PARP8: variants seen among roughly 807,000 people sequenced by gnomAD.
PARP8 encodes the protein protein mono-ADP-ribosyltransferase PARP8.
A neutral mutation model predicts 124.1 loss-of-function variants in PARP8; 51 were observed. That is an observed-to-expected ratio of 0.41 (90% CI 0.33 to 0.52). The LOEUF is 0.52. Among genes scored for constraint, PARP8 ranks in the 20% least tolerant of loss-of-function variants. The pLI, the probability that PARP8 is intolerant of heterozygous loss-of-function variation, is 0.21. For synonymous variants in PARP8, 391 were observed against 361.5 expected, an observed-to-expected ratio of 1.08 and a Z score of -0.93; for missense variants, 860 against 1,018.9, an observed-to-expected ratio of 0.84 and a Z score of 2.12.
At chr5:50,689,034 T>A (rs1752197913) in intron 2 of PARP8, among the ~76,000 whole-genome samples, 2 of 13,972 alleles carry the variant, frequency 1.4e-4, no homozygotes, top group Non-Finnish European at 8.8e-4. Flanking sequence ...TTTTTTTGAT[T>A]TTTTTTTTTT....
intron 16 of PARP8, among the ~76,000 whole-genome samples, chr5:50,821,539 A>G (rs1745769077): frequency 6.6e-6 from 1 of 152,180 alleles, no homozygotes; most frequent in African/African-American, 2.4e-5. Flanking sequence ...TCATGGGTAA[A>G]GGGACAAGTT....
In PARP8 at chr5:50,834,937, C is replaced by A; in HGVS notation, c.2384C>A (p.Thr795Asn). The A allele has an allele frequency of 6.2e-7, 1 of 1,612,736 alleles. No homozygotes were observed. The highest frequency in any genetic ancestry group is 1.3e-5 in the African/African-American group (1 of 74,998). ...LKCIALCEVI[T>N]SSDLHKHGEI... is the part of the protein sequence containing the mutation. Reference sequence around the variant, plus strand: ...TTTATTTTCCACTTAACAGTGATCACCTCATCTGACCTGCACAAACATGGA... The same window carrying A: ...TTTATTTTCCACTTAACAGTGATCAACTCATCTGACCTGCACAAACATGGA... Residue 795 changes from threonine to asparagine, a missense_variant, in exon 25 of 26, where the codon ACC (threonine) becomes AAC (asparagine). This residue lies in a region of PARP8 where 343 missense variants were observed against 474.7 expected (regional missense o/e 0.72). Coordinates refer to ENST00000281631, the MANE Select transcript of PARP8 (RefSeq NM_024615.4).
chr5:50,700,603 G>A (rs1204939385), intron 2 of PARP8, among the ~76,000 whole-genome samples: 1 of 152,146 alleles, frequency 6.6e-6, no homozygotes. Context: ...TAAACATACT[G>A]TGATCTAAAT....
At chr5:50,666,240 T>C (rs1365411306), upstream of PARP8, 1 of 152,218 alleles carries the variant, frequency 6.6e-6, no homozygotes, top group Non-Finnish European at 1.5e-5. Flanking sequence ...GATGTGGCAA[T>C]AAGGAAAGAT....
chr5:50,749,197 T>A, intron 2 of PARP8, among the ~76,000 whole-genome samples: 1 of 152,348 alleles, frequency 6.6e-6, no homozygotes, highest in Non-Finnish European at 1.5e-5. Flanking sequence ...CTGTGAATGA[T>A]GCTTTGAGTA....
At chr5:50,828,159 T>C in intron 20 of PARP8, 103 bp downstream of exon 20, 1 of 1,142,912 alleles carries the variant, frequency 8.7e-7, no homozygotes. Flanking sequence ...ATTCAGTAGA[T>C]GGTCATTCAA....
chr5:50,681,338 G>A (rs889742028), intron 2 of PARP8, among the ~76,000 whole-genome samples: 6 of 151,942 alleles, frequency 3.9e-5, no homozygotes, highest in African/African-American at 1.2e-4. Flanking sequence ...CTAAAATTAG[G>A]TGAATTCAGC....
chr5:50,724,868 T>TGAGTCTCAA (rs1756259264), intron 2 of PARP8, among the ~76,000 whole-genome samples: 1 of 151,918 alleles, frequency 6.6e-6, no homozygotes, highest in South Asian at 2.1e-4. Flanking sequence ...CCTCCCACTC[T>TGAGTCTCAA]GAGTCTCAAA....
rs755494338 is a variant in PARP8 at position 50,795,421 on chromosome 5, C to T, written c.1428+4C>T. ...ATCTTCATCTTCTCAGCTTGCTGTG[C>T]GTAAATATTTTCATCTTGAGTTCTT... On this transcript the variant is annotated splice_donor_region_variant and intron_variant, in intron 12 of 25. Transcript: ENST00000281631. The T allele has an allele frequency of 1.2e-5, 18 of 1,564,580 alleles. No homozygotes were observed. The highest frequency in any genetic ancestry group is 2.8e-5 in the African/African-American group (2 of 72,358).
At chr5:50,793,967 TTAAA>T (rs976808768) in intron 10 of PARP8, among the ~76,000 whole-genome samples, 2 of 152,064 alleles carry the variant, frequency 1.3e-5, no homozygotes, top group Non-Finnish European at 2.9e-5. Context: ...ATTTAATTAT[TTAAA>T]TAAATAGTAA....
intron 2 of PARP8, among the ~76,000 whole-genome samples, chr5:50,722,708 G>A (rs1756023360): frequency 6.6e-6 from 1 of 152,070 alleles, no homozygotes; most frequent in Admixed American, 6.6e-5. Flanking sequence ...TGTTGTCTCT[G>A]ACAGACATTT....
At chr5:50,820,960 T>C (rs1440912622) in intron 15 of PARP8, among the ~76,000 whole-genome samples, 1 of 152,222 alleles carries the variant, frequency 6.6e-6, no homozygotes, top group Non-Finnish European at 1.5e-5. Flanking sequence ...TCTAGAACAA[T>C]ACTGGCATAT....
At chr5:50,759,575 A>C in intron 3 of PARP8, 68 bp from the exon 4 acceptor site, 1 of 1,439,622 alleles carries the variant, frequency 6.9e-7, no homozygotes, top group South Asian at 1.5e-5. Flanking sequence ...TAAATTAGCT[A>C]TTATTTTTGT....
rs1561440018 is a variant in PARP8, at chr5:50,828,010, A to T, written c.2044A>T (p.Asn682Tyr). Residue 682 changes from asparagine to tyrosine, a missense_variant, in exon 20 of 26, where the codon AAT becomes TAT. This residue lies in a region of PARP8 where 343 missense variants were observed against 474.7 expected (regional missense o/e 0.72). Coordinates refer to ENST00000281631, the MANE Select transcript of PARP8 (RefSeq NM_024615.4). ...CAGCAGTCCACCAGCCAAAGAATCC[A>T]ATTTTAGAGCTGCTAAAAAACTCTT... is the stretch of plus-strand genomic sequence containing the variant. Reference protein sequence around the residue: ...LLSSPPAKESNFRAAKKLFGS... With the variant: ...LLSSPPAKESYFRAAKKLFGS... The T allele has an allele frequency of 6.2e-7, 1 of 1,613,744 alleles. No homozygotes were observed. The highest frequency in any genetic ancestry group is 8.5e-7 in the Non-Finnish European group (1 of 1,179,734).
intron 10 of PARP8, among the ~76,000 whole-genome samples, chr5:50,789,579 A>G (rs966781649): frequency 6.6e-6 from 1 of 152,222 alleles, no homozygotes; most frequent in Non-Finnish European, 1.5e-5. Flanking sequence ...CCTTGATTTC[A>G]TACGAAGACA....
At chr5:50,751,418 G>A (rs186692437) in intron 3 of PARP8, among the ~76,000 whole-genome samples, 5 of 152,258 alleles carry the variant, frequency 3.3e-5, no homozygotes, top group Admixed American at 6.5e-5. Context: ...ATTTCCAAAA[G>A]GAAGGAGTGT....
At chr5:50,765,079 T>G (rs2149584555) in intron 7 of PARP8, among the ~76,000 whole-genome samples, 1 of 152,058 alleles carries the variant, frequency 6.6e-6, no homozygotes, top group Middle Eastern at 3.4e-3. Context: ...CTGCCCAACA[T>G]GGAGAAACCC....
chr5:50,831,103 T>C lies in PARP8; in HGVS notation c.2233+1142T>C, dbSNP rs551756539. Reference sequence around the variant, plus strand: ...GAAATACTAAAAGAAATCAGCAACATTGATAAATGGTAAAATGCTGATGGA... The same window carrying C: ...GAAATACTAAAAGAAATCAGCAACACTGATAAATGGTAAAATGCTGATGGA... On this transcript the variant is annotated intron_variant, in intron 22 of 25. Transcript: ENST00000281631. 1.9e-3 allele frequency among the ~76,000 whole-genome samples: 283 copies of C among 152,148 alleles called. 2 individuals are homozygous for C. Among genetic ancestry groups the C allele is most frequent in the African/African-American group, 6.2e-3 (256 of 41,500 alleles).
intron 2 of PARP8, among the ~76,000 whole-genome samples, chr5:50,740,951 G>A (rs1298902042): frequency 6.6e-6 from 1 of 152,094 alleles, no homozygotes; most frequent in Non-Finnish European, 1.5e-5. Context: ...AATATTTGTA[G>A]TGTTTGTTCC....
Sources: allele counts gnomAD v4.1 joint callset (sites outside exome capture counted in the v4.1 genomes callset), GRCh38; gene constraint gnomAD v4.1.1; regional missense constraint gnomAD v4.1.1; transcripts MANE v1.5; gene names NCBI Gene and HGNC (gene_info 2026-07-23, HGNC 2026-07-21).